The following BNC2 variants were observed in gnomAD, a reference collection of about 807,000 sequenced individuals.
BNC2 encodes basonuclin zinc finger protein 2, also known as zinc finger protein basonuclin-2.
A neutral mutation model predicts 76.3 loss-of-function variants in BNC2; 20 were observed. That is an observed-to-expected ratio of 0.26 (90% confidence interval 0.18 to 0.38). The LOEUF (loss-of-function observed/expected upper bound fraction) is 0.38. Ranked by LOEUF, BNC2 falls within the 10% of genes least tolerant of loss-of-function variation. The probability of loss-of-function intolerance (pLI) is 1.00; values close to 1 mark genes in which losing one functional copy is unlikely to be tolerated. For missense variants in BNC2, 1,382 were observed against 1,399.8 expected (o/e 0.99, Z 0.20); for synonymous variants, 582 against 514.8 (o/e 1.13, Z -1.77).
At chr9:16,864,597 C>G (rs1819495296) in intron 1 of BNC2, among the ~76,000 whole-genome samples, 1 of 152,142 alleles carries the variant, frequency 6.6e-6, no homozygotes, top group Non-Finnish European at 1.5e-5. Flanking sequence ...TCCTACAAAG[C>G]TCATTACTGC....
rs114022526 is a variant in BNC2, at chr9:16,478,056, T to A, written c.670-40532A>T. ...GCAGGAAAAAAAACCCAGCTGTATC[T>A]GGCTCATCACAGTCTGAGGTAGTTC... On this transcript the variant is annotated intron_variant, in intron 5 of 6. Transcript: ENST00000380672. Among the ~76,000 whole-genome samples, 401 of 152,346 alleles carry A rather than the reference T, an allele frequency of 2.6e-3. 1 individual carries two copies. The highest frequency in any genetic ancestry group is 9.4e-3 in the African/African-American group (392 of 41,582).
intron 1 of BNC2, among the ~76,000 whole-genome samples, chr9:16,843,796 C>T (rs1818893364): frequency 6.6e-6 from 1 of 152,082 alleles, no homozygotes; most frequent in Non-Finnish European, 1.5e-5. Flanking sequence ...ACAGTTACTC[C>T]CAATTGAATA....
chr9:16,781,243 G>GAGGATCTGGATTC (rs1478516120), intron 1 of BNC2, among the ~76,000 whole-genome samples: 1 of 4,484 alleles, frequency 2.2e-4, no homozygotes, highest in Non-Finnish European at 5.0e-4. Context: ...CCAAAGGTCT[G>GAGGATCTGGATTC]AAGATCAGGG....
At chr9:16,725,700 G>C (rs569340388) in intron 3 of BNC2, among the ~76,000 whole-genome samples, 68 of 143,924 alleles carry the variant, frequency 4.7e-4, no homozygotes, top group African/African-American at 1.5e-3. Context: ...TGCACACACA[G>C]GTACACACAA....
chr9:16,629,466 T>C (rs1225155416), intron 3 of BNC2, among the ~76,000 whole-genome samples: 1 of 152,086 alleles, frequency 6.6e-6, no homozygotes, highest in Non-Finnish European at 1.5e-5. Context: ...TTTGGGGGAG[T>C]TCAGTGCTGG....
chr9:16,856,660 A>T (rs991041874), intron 1 of BNC2, among the ~76,000 whole-genome samples: 2 of 152,188 alleles, frequency 1.3e-5, no homozygotes, highest in African/African-American at 2.4e-5. Context: ...GTTTAAAAAA[A>T]TTTTTGTTTT....
At chr9:16,807,021 T>C (rs1377979955) in intron 1 of BNC2, among the ~76,000 whole-genome samples, 2 of 152,084 alleles carry the variant, frequency 1.3e-5, no homozygotes, top group Non-Finnish European at 2.9e-5. Flanking sequence ...TTTTTTCAGG[T>C]TAGACCCAAT....
intron 5 of BNC2, among the ~76,000 whole-genome samples, chr9:16,442,634 T>A (rs1821150614): frequency 1.3e-5 from 2 of 152,204 alleles, no homozygotes; most frequent in Admixed American, 6.5e-5. Flanking sequence ...ATAATCAGAC[T>A]GTCGAGGGAC....
At chr9:16,732,162 A>AAAAAAAAAAAAAAAAAAAAG (rs59888253) in intron 2 of BNC2, among the ~76,000 whole-genome samples, 31 of 123,526 alleles carry the variant, frequency 2.5e-4, no homozygotes, top group African/African-American at 4.1e-4. Context: ...TCCTGCAAAA[A>AAAAAAAAAAAAAAAAAAAAG]AAAAAGAAAA....
intron 1 of BNC2, among the ~76,000 whole-genome samples, chr9:16,798,230 A>G (rs1817701873): frequency 6.6e-6 from 1 of 152,218 alleles, no homozygotes; most frequent in South Asian, 2.1e-4. Context: ...GCCTCTCACA[A>G]AAATAAGATT....
At chr9:16,538,259 A>G (rs569006264) in intron 5 of BNC2, among the ~76,000 whole-genome samples, 3 of 152,316 alleles carry the variant, frequency 2.0e-5, no homozygotes, top group South Asian at 2.1e-4. Flanking sequence ...TTATATACAT[A>G]TATTACTTAT....
intron 3 of BNC2, among the ~76,000 whole-genome samples, chr9:16,665,488 A>AGAG (rs1822262830): frequency 1.5e-5 from 2 of 135,526 alleles, no homozygotes; most frequent in African/African-American, 3.0e-5. Context: ...GAAAGAAAGA[A>AGAG]AGAGAGAGAG....
At chr9:16,649,400 A>G (rs1821730374) in intron 3 of BNC2, among the ~76,000 whole-genome samples, 1 of 152,202 alleles carries the variant, frequency 6.6e-6, no homozygotes, top group Non-Finnish European at 1.5e-5. Flanking sequence ...ACAAGGGAGA[A>G]TCAAGTCCAC....
At chr9:16,616,340 C>T (rs1019532651) in intron 3 of BNC2, among the ~76,000 whole-genome samples, 4 of 151,628 alleles carry the variant, frequency 2.6e-5, no homozygotes, top group African/African-American at 9.7e-5. Flanking sequence ...TGCAGTGAGC[C>T]ATGATCACAC....
At chr9:16,664,605 G>A (rs959957827) in intron 3 of BNC2, among the ~76,000 whole-genome samples, 1 of 151,844 alleles carries the variant, frequency 6.6e-6, no homozygotes. Context: ...ATCCTAATCT[G>A]GTCTGGTGTT....
At chr9:16,434,259 A>AC (rs1243285222) in intron 6 of BNC2, among the ~76,000 whole-genome samples, 2 of 152,222 alleles carry the variant, frequency 1.3e-5, no homozygotes, top group Non-Finnish European at 2.9e-5. Context: ...TATTTTAAAA[A>AC]GGATTGATCT....
At chr9:16,637,683 C>T (rs1821368570) in intron 3 of BNC2, among the ~76,000 whole-genome samples, 1 of 152,194 alleles carries the variant, frequency 6.6e-6, no homozygotes, top group Non-Finnish European at 1.5e-5. Context: ...GATGTGTACA[C>T]ACAACCATGC....
chr9:16,648,050 G>A (rs1587271646), intron 3 of BNC2, among the ~76,000 whole-genome samples: 2 of 152,210 alleles, frequency 1.3e-5, no homozygotes, highest in South Asian at 2.1e-4. Flanking sequence ...AAATTACAGA[G>A]AGTCACCAAT....
At chr9:16,751,207 C>A (rs556145836) in intron 1 of BNC2, among the ~76,000 whole-genome samples, 1 of 150,760 alleles carries the variant, frequency 6.6e-6, no homozygotes, top group South Asian at 2.1e-4. Flanking sequence ...ATAAAAAAAA[C>A]TACAAAACTG....
Sources: gnomAD v4.1 joint callset for allele counts (sites outside exome capture counted in the v4.1 genomes callset) on GRCh38, gnomAD v4.1.1 for gene constraint, MANE v1.5 for transcripts, NCBI Gene and HGNC (gene_info 2026-07-23, HGNC 2026-07-21) for gene names.